The following ABHD2 variants were observed in gnomAD, a reference collection of about 807,000 sequenced individuals.
The protein encoded by ABHD2 is monoacylglycerol lipase ABHD2.
In ABHD2, 20 loss-of-function variants were observed where a neutral mutation model predicts 48.1. The observed-to-expected ratio is 0.42, with a 90% CI of 0.29 to 0.60. The LOEUF (loss-of-function observed/expected upper bound fraction) is 0.60, where lower values mean the gene tolerates loss of function less well. ABHD2 is among the 20% of genes least tolerant of loss of function. ABHD2 has a pLI of 0.24. For synonymous variants in ABHD2, 209 were observed against 214.2 expected (o/e 0.98, Z 0.21); for missense variants, 405 against 550.9 (o/e 0.74, Z 2.65).
chr15:89,114,804 A>C lies in ABHD2; in HGVS notation c.-7+980A>C, dbSNP rs554408197. On this transcript the variant is annotated intron_variant, in intron 2 of 10. Transcript: ENST00000352732. The surrounding 1 kb of genome is among the most constrained non-coding windows in gnomAD (Gnocchi z 4.2). ...AGCCCAGAAGTTAAGTTTTAGGAAAACTGTCTCCTCACAGAAGTTCAGTGT... is the reference window on the plus strand; with the variant it reads ...AGCCCAGAAGTTAAGTTTTAGGAAACCTGTCTCCTCACAGAAGTTCAGTGT... Among the ~76,000 whole-genome samples, 2 of 152,256 alleles carry C rather than the reference A, an allele frequency of 1.3e-5. No homozygotes were observed. The highest frequency in any genetic ancestry group is 4.8e-5 in the African/African-American group (2 of 41,542).
At chr15:89,098,427 T>C (rs2049648615) in intron 1 of ABHD2, among the ~76,000 whole-genome samples, 1 of 152,146 alleles carries the variant, frequency 6.6e-6, no homozygotes, top group African/African-American at 2.4e-5. Flanking sequence ...CACTCTGTCC[T>C]GAGGAGTTTC....
At chr15:89,055,135 C>T in the ABHD2 span, among the ~76,000 whole-genome samples, 1 of 152,016 alleles carries the variant, frequency 6.6e-6, no homozygotes. Context: ...GAGTTCAAGA[C>T]TGCAGTGAGC....
rs1002612183 is a variant in ABHD2 at position 89,184,200 on chromosome 15, C to T, written c.723-1224C>T. ...CTCCCCACTACCTCTTATTTTTTAA[C>T]CACGACATTGTGGGAAATGTTTGTC... On this transcript the variant is annotated intron_variant, in intron 6 of 10. Coordinates refer to ENST00000352732, the MANE Select transcript of ABHD2 (RefSeq NM_152924.5). This position sits in a 1 kb window ranked among gnomAD's most constrained non-coding sequence, Gnocchi z 5.1. Among the ~76,000 whole-genome samples the T allele has an allele frequency of 6.6e-6, 1 of 152,140 alleles. No homozygotes were observed. Among genetic ancestry groups the T allele is most frequent in the Admixed American group, 6.5e-5 (1 of 15,274 alleles).
chr15:89,056,179 G>A, the ABHD2 span, among the ~76,000 whole-genome samples: 1 of 152,054 alleles, frequency 6.6e-6, no homozygotes, highest in Non-Finnish European at 1.5e-5. Context: ...TTAAAATTTT[G>A]TAAATGGAGG....
chr15:89,201,797 C>G lies in ABHD2; in HGVS notation c.*6374C>G. On this transcript the variant is annotated 3_prime_UTR_variant, in exon 11 of 11. Transcript: ENST00000352732. ...GCTTCGCCGTGGCCCCGGAGGCAGA[C>G]GCCATTGGAGAGACAGCGCAGAGCA... 2 of 1,401,938 alleles carry G rather than the reference C, an allele frequency of 1.4e-6. No individual in the cohort carries two copies. Among genetic ancestry groups the G allele is most frequent in the Non-Finnish European group, 2.0e-6 (2 of 991,924 alleles). The allele number at this position is 1,401,938 out of a possible 1,614,324, so 86.8% of individuals were successfully genotyped here. A position where few individuals can be genotyped will look rare whatever the true frequency, so the allele number is the denominator to read the frequency against.
Position 89,120,057 on chromosome 15 carries a change from T to C in ABHD2, c.194+3536T>C, listed in dbSNP as rs2050023889. 1.3e-5 allele frequency among the ~76,000 whole-genome samples: 2 copies of C among 152,210 alleles called. No homozygotes were observed. The highest frequency in any genetic ancestry group is 4.1e-4 in the South Asian group (2 of 4,830). On this transcript the variant is annotated intron_variant, in intron 3 of 10. Transcript: ENST00000352732. This position sits in a 1 kb window ranked among gnomAD's most constrained non-coding sequence, Gnocchi z 4.2. ...ATGACATGCGCGGAATCAGGACGTG[T>C]CTTCTTACTGTTCTGGTATAGAAAA... is the stretch of plus-strand genomic sequence containing the variant.
intron 1 of ABHD2, among the ~76,000 whole-genome samples, chr15:89,096,292 G>A (rs1384964408): frequency 6.6e-6 from 1 of 152,216 alleles, no homozygotes; most frequent in African/African-American, 2.4e-5. Context: ...AAATGTGCCT[G>A]GATCTCTGTA....
rs932253881 is a variant in ABHD2, at chr15:89,100,665, C to T, written c.-107+12102C>T. 1.3e-5 allele frequency among the ~76,000 whole-genome samples: 2 copies of T among 152,036 alleles called. No individual in the cohort carries two copies. The highest frequency in any genetic ancestry group is 2.4e-5 in the African/African-American group (1 of 41,382). On this transcript the variant is annotated intron_variant, in intron 1 of 10. Transcript: ENST00000352732. The surrounding 1 kb of genome is among the most constrained non-coding windows in gnomAD (Gnocchi z 4.4). ...TGGGTGGATCACGAGGTCAGGAGTTCGAGACCAGCCTGGCCAACATAGTGA... is the reference window on the plus strand; with the variant it reads ...TGGGTGGATCACGAGGTCAGGAGTTTGAGACCAGCCTGGCCAACATAGTGA...
chr15:89,057,889 T>C, the ABHD2 span, among the ~76,000 whole-genome samples: 2 of 152,140 alleles, frequency 1.3e-5, no homozygotes, highest in African/African-American at 4.8e-5. Context: ...AACTTTAGTT[T>C]GCCAGGTCTG....
At chr15:89,135,668 G>C in intron 3 of ABHD2, 1 of 1,551,856 alleles carries the variant, frequency 6.4e-7, no homozygotes, top group Non-Finnish European at 8.8e-7. Context: ...TGCTGCAGCA[G>C]GCTTTCCTTT....
chr15:89,053,150 T>C, the ABHD2 span, among the ~76,000 whole-genome samples: 7 of 152,032 alleles, frequency 4.6e-5, no homozygotes, highest in African/African-American at 1.7e-4. Flanking sequence ...GTATTTTTAG[T>C]AGAGACGGGG....
At chr15:89,190,935 C>T (rs2051292825) in intron 8 of ABHD2, 145 bp from the exon 9 acceptor site, 3 of 657,128 alleles carry the variant, frequency 4.6e-6, no homozygotes, top group Non-Finnish European at 7.8e-6. Context: ...ATCAGCTCAG[C>T]ATTCAGGCCT....
At position 89,137,661 on chromosome 15, in the gene ABHD2, A is replaced by G. The variant is rs954617305; in HGVS notation, c.195-14016A>G. ...AGATCCTGCAATTCAGGAATAGAGC[A>G]TTTAGCAACAACAGTGAAAATGTAA... On this transcript the variant is annotated intron_variant, in intron 3 of 10. Transcript: ENST00000352732. This position sits in a 1 kb window ranked among gnomAD's most constrained non-coding sequence, Gnocchi z 4.8. Among the ~76,000 whole-genome samples, 1 of 152,240 alleles carries G rather than the reference A, an allele frequency of 6.6e-6. No individual in the cohort carries two copies.
At chr15:89,083,639 G>T (rs930223587), upstream of ABHD2, among the ~76,000 whole-genome samples, 8 of 152,190 alleles carry the variant, frequency 5.3e-5, no homozygotes, top group Non-Finnish European at 1.0e-4. This position sits in a 1 kb window ranked among gnomAD's most constrained non-coding sequence, Gnocchi z 5.1. Flanking sequence ...TTAAAATTTT[G>T]CCAGGACAAC....
In ABHD2 at chr15:89,097,673, AG is replaced by A. The variant is rs1179237077; in HGVS notation, c.-107+9112del. ...GCATTCATGTGTTATAACATTCAAA[AG>A]GTACAACATAGTAAAGAGTGGAAAA... On this transcript the variant is annotated intron_variant, in intron 1 of 10. Coordinates refer to ENST00000352732, the MANE Select transcript of ABHD2 (RefSeq NM_152924.5). This position sits in a 1 kb window ranked among gnomAD's most constrained non-coding sequence, Gnocchi z 4.2. Among the ~76,000 whole-genome samples the A allele has an allele frequency of 2.6e-5, 4 of 152,234 alleles. No individual in the cohort carries two copies. Among genetic ancestry groups the A allele is most frequent in the African/African-American group, 9.6e-5 (4 of 41,462 alleles).
In ABHD2 at chr15:89,175,661, ACAC is replaced by A; in HGVS notation, c.539-150_539-148del. The A allele has an allele frequency of 1.3e-6, 1 of 796,102 alleles. No individual in the cohort carries two copies. The highest frequency in any genetic ancestry group is 1.9e-6 in the Non-Finnish European group (1 of 512,864). The allele number at this position is 796,102 out of a possible 1,614,324, so 49.3% of individuals were successfully genotyped here. On this transcript the variant is annotated intron_variant, in intron 5 of 10. Transcript: ENST00000352732. The surrounding 1 kb of genome is among the most constrained non-coding windows in gnomAD (Gnocchi z 5.7). ...GAGCAGTGTCTGTCTCTCTCTCCAC[ACAC>A]ATCCCCCGACACACACACGTATATA...
chr15:89,125,270 G>A (rs1567078734), intron 3 of ABHD2, among the ~76,000 whole-genome samples: 1 of 151,404 alleles, frequency 6.6e-6, no homozygotes, highest in Non-Finnish European at 1.5e-5. Context: ...AAAAAAAAGA[G>A]TTGTGCAAAT....
rs551315010 is a variant in ABHD2 at position 89,184,940 on chromosome 15, G to C, written c.723-484G>C. 7.9e-5 allele frequency among the ~76,000 whole-genome samples: 12 copies of C among 152,352 alleles called. 1 individual carries two copies. The South Asian group carries it at 1.7e-3, about 21-fold the overall frequency. On this transcript the variant is annotated intron_variant, in intron 6 of 10. Coordinates refer to ENST00000352732, the MANE Select transcript of ABHD2 (RefSeq NM_152924.5). This position sits in a 1 kb window ranked among gnomAD's most constrained non-coding sequence, Gnocchi z 5.1. The stretch of plus-strand genomic sequence containing the variant: ...ATAGATGTATTTGGAGGAGATCCCA[G>C]TTAATGATTTTCCTTTACCTCTTGA...
chr15:89,200,694 A>G lies in ABHD2; in HGVS notation c.*5271A>G, dbSNP rs191685010. On this transcript the variant is annotated 3_prime_UTR_variant, in exon 11 of 11. Coordinates refer to ENST00000352732, the MANE Select transcript of ABHD2 (RefSeq NM_152924.5). Reference sequence around the variant, plus strand: ...ATGGTCACCGCAGGCCATACTACCAATGAAATGGTAGGTAAACAAATCTTC... The same window carrying G: ...ATGGTCACCGCAGGCCATACTACCAGTGAAATGGTAGGTAAACAAATCTTC... 6.1e-4 allele frequency: 138 copies of G among 227,206 alleles called. No homozygotes were observed. The highest frequency in any genetic ancestry group is 3.0e-3 in the African/African-American group (132 of 43,466). The allele number at this position is 227,206 out of a possible 1,614,324, so 14.1% of individuals were successfully genotyped here.
Sources: gnomAD v4.1 joint callset for allele counts (sites outside exome capture counted in the v4.1 genomes callset) on GRCh38, gnomAD v4.1.1 for gene constraint, Gnocchi (gnomAD v3.1) non-coding constraint, MANE v1.5 for transcripts, NCBI Gene and HGNC (gene_info 2026-07-23, HGNC 2026-07-21) for gene names.